The following TMEM33 variants were observed in gnomAD, a reference collection of about 807,000 sequenced individuals.
TMEM33 encodes transmembrane protein 33.
Under a neutral mutation model 29.7 loss-of-function variants are expected in TMEM33, and 16 were observed. The observed-to-expected ratio is 0.54, with a 90% CI of 0.36 to 0.82. The LOEUF is 0.82. TMEM33 is among the 40% of genes least tolerant of loss of function. The probability of loss-of-function intolerance (pLI) is 0.00; values close to 1 mark genes in which losing one functional copy is unlikely to be tolerated. For synonymous variants in TMEM33, 112 were observed against 109.4 expected (o/e 1.02, Z -0.15); for missense variants, 252 against 295.3 (o/e 0.85, Z 1.08).
chr4:41,940,807 C>CAAA (rs11390153), intron 3 of TMEM33, among the ~76,000 whole-genome samples: 45 of 53,102 alleles, frequency 8.5e-4, no homozygotes, highest in African/African-American at 1.4e-3. Context: ...GACTCCTTCT[C>CAAA]AAAAAAAAAA....
chr4:41,935,507 GC>G lies in TMEM33; in HGVS notation c.28del (p.Gln10LysfsTer9). 1.2e-6 allele frequency: 2 copies of G among 1,609,564 alleles called. No individual in the cohort carries two copies. The highest frequency in any genetic ancestry group is 1.1e-5 in the South Asian group (1 of 90,116). On this transcript the variant is annotated frameshift_variant, in exon 1 of 7. Transcript: ENST00000504986. LOFTEE classifies it high-confidence loss of function. The part of the protein sequence containing the change: MADTTPN[G>X]PQGAGAVQFM... ...CCCATGGCAGATACGACCCCGAACGGCCCCCAAGGGGCGGGCGCTGTGGTAA... is the reference window on the plus strand; with the variant it reads ...CCCATGGCAGATACGACCCCGAACGGCCCCAAGGGGCGGGCGCTGTGGTAA...
At chr4:41,950,800 T>C (rs916287004) in intron 6 of TMEM33, among the ~76,000 whole-genome samples, 3 of 152,200 alleles carry the variant, frequency 2.0e-5, no homozygotes, top group Non-Finnish European at 4.4e-5. Context: ...TATTTGTTTT[T>C]CTGTGCTTCT....
intron 1 of TMEM33, 140 bp downstream of exon 1, chr4:41,935,669 G>A (rs1712194206): frequency 1.2e-6 from 1 of 862,056 alleles, no homozygotes; most frequent in Non-Finnish European, 1.8e-6. Context: ...AGTTGGAGCG[G>A]GGAGAGGGGA....
chr4:41,948,125 A>G (rs143574571), intron 5 of TMEM33, among the ~76,000 whole-genome samples: 142 of 152,302 alleles, frequency 9.3e-4, no homozygotes, highest in African/African-American at 3.3e-3. Flanking sequence ...GTGTAAGGAC[A>G]TAGACGTTTC....
rs1236528161 is a variant in TMEM33 at position 41,941,311 on chromosome 4, G to C, written c.328+1928G>C. Among the ~76,000 whole-genome samples, 3 of 152,336 alleles carry C rather than the reference G, an allele frequency of 2.0e-5. No homozygotes were observed. The East Asian group carries it at 5.8e-4, about 29-fold the overall frequency. ...GCTTGACCAGCCTCTGTTGATTGAAGTGCTTTGCAGTCACCAATGTTAAAA... is the reference window on the plus strand; with the variant it reads ...GCTTGACCAGCCTCTGTTGATTGAACTGCTTTGCAGTCACCAATGTTAAAA... On this transcript the variant is annotated intron_variant, in intron 3 of 6. Coordinates refer to ENST00000504986, the MANE Select transcript of TMEM33 (RefSeq NM_018126.3).
chr4:41,949,921 G>A (rs758402636), intron 6 of TMEM33, among the ~76,000 whole-genome samples: 31 of 152,248 alleles, frequency 2.0e-4, no homozygotes, highest in Non-Finnish European at 3.7e-4. Flanking sequence ...AGAAGCACAA[G>A]CCATATTTGA....
intron 3 of TMEM33, among the ~76,000 whole-genome samples, chr4:41,943,026 C>T (rs561500445): frequency 1.3e-5 from 2 of 152,196 alleles, no homozygotes; most frequent in African/African-American, 4.8e-5. Flanking sequence ...CTTTCCTCAG[C>T]GTTTGAGATT....
chr4:41,948,939 T>C lies in TMEM33; in HGVS notation c.531-363T>C, dbSNP rs112981097. On this transcript the variant is annotated intron_variant, in intron 5 of 6. Coordinates refer to ENST00000504986, the MANE Select transcript of TMEM33 (RefSeq NM_018126.3). ...AGGGGAGTGTTTGTTTCTTTTTATA[T>C]ATATAAAATAAGTCACTTTTCATTT... Among the ~76,000 whole-genome samples, 953 of 152,180 alleles carry C rather than the reference T, an allele frequency of 6.3e-3. 12 individuals are homozygous for C. The highest frequency in any genetic ancestry group is 0.022 in the African/African-American group (898 of 41,578).
intron 5 of TMEM33, among the ~76,000 whole-genome samples, chr4:41,948,812 T>C (rs1034213170): frequency 3.9e-5 from 6 of 152,122 alleles, no homozygotes; most frequent in African/African-American, 1.4e-4. Context: ...CATAAACATA[T>C]ATATAATTCT....
intron 3 of TMEM33, chr4:41,939,790 A>G (rs571599209): frequency 2.2e-6 from 1 of 456,860 alleles, no homozygotes; most frequent in Non-Finnish European, 4.4e-6. Context: ...TGAACTAGAT[A>G]CAAATGGAAT....
At chr4:41,945,998 G>GA (rs1233464340) in intron 5 of TMEM33, among the ~76,000 whole-genome samples, 369 of 137,100 alleles carry the variant, frequency 2.7e-3, no homozygotes, top group Non-Finnish European at 3.7e-3. Flanking sequence ...AAAAGAAAAG[G>GA]AAAAAAAAAA....
At chr4:41,951,544 C>T (rs897179990) in intron 6 of TMEM33, among the ~76,000 whole-genome samples, 1 of 152,180 alleles carries the variant, frequency 6.6e-6, no homozygotes, top group Non-Finnish European at 1.5e-5. Context: ...CTTCATTAGT[C>T]CTCATGTCTT....
intron 3 of TMEM33, among the ~76,000 whole-genome samples, chr4:41,943,479 T>G (rs1286714473): frequency 6.6e-6 from 1 of 151,380 alleles, no homozygotes; most frequent in Non-Finnish European, 1.5e-5. Flanking sequence ...GAGCCAAGAT[T>G]ACGCCATTGC....
intron 3 of TMEM33, among the ~76,000 whole-genome samples, chr4:41,941,679 A>G (rs1490231249): frequency 6.6e-6 from 1 of 152,240 alleles, no homozygotes; most frequent in African/African-American, 2.4e-5. Context: ...AAGGGAATGT[A>G]GTAAACAGTG....
chr4:41,948,104 GGGGTGTATGT>G (rs2153127486), intron 5 of TMEM33, among the ~76,000 whole-genome samples: 1 of 152,194 alleles, frequency 6.6e-6, no homozygotes, highest in African/African-American at 2.4e-5. Flanking sequence ...TATATTTAGT[GGGGTGTATGT>G]GTGTAAGGAC....
At chr4:41,935,662 T>TG in intron 1 of TMEM33, 133 bp downstream of exon 1, 1 of 939,874 alleles carries the variant, frequency 1.1e-6, no homozygotes, top group Non-Finnish European at 1.6e-6. Flanking sequence ...GTGGGGAAGT[T>TG]GGAGCGGGGA....
chr4:41,941,677 G>T (rs867789146), intron 3 of TMEM33, among the ~76,000 whole-genome samples: 2 of 152,196 alleles, frequency 1.3e-5, no homozygotes, highest in Middle Eastern at 3.2e-3. Context: ...CAAAGGGAAT[G>T]TAGTAAACAG....
At chr4:41,940,397 A>AC (rs1200744826) in intron 3 of TMEM33, among the ~76,000 whole-genome samples, 3 of 152,144 alleles carry the variant, frequency 2.0e-5, no homozygotes, top group Non-Finnish European at 4.4e-5. Context: ...CTGAGACTGA[A>AC]TATTACCTAT....
intron 4 of TMEM33, chr4:41,944,159 A>G (rs1020261367): frequency 7.8e-6 from 2 of 256,640 alleles, no homozygotes; most frequent in Non-Finnish European, 1.5e-5. Flanking sequence ...CATACCTGAT[A>G]AGTTGAGTGT....
Sources: gnomAD v4.1 joint callset for allele counts (sites outside exome capture counted in the v4.1 genomes callset) on GRCh38, gnomAD v4.1.1 for gene constraint, MANE v1.5 for transcripts, NCBI Gene and HGNC (gene_info 2026-07-23, HGNC 2026-07-21) for gene names.